Variants in ASTN2 observed in about 807,000 individuals in gnomAD.
ASTN2 encodes the protein astrotactin 2.
A neutral mutation model predicts 139.8 loss-of-function variants in ASTN2; 54 were observed. The ratio of observed to expected loss-of-function variants is 0.39; its 90% CI spans 0.31 to 0.48. The LOEUF (loss-of-function observed/expected upper bound fraction) is 0.48. Among genes scored for constraint, ASTN2 ranks in the 20% least tolerant of loss-of-function variants. The probability of loss-of-function intolerance (pLI) is 0.95; values close to 1 mark genes in which losing one functional copy is unlikely to be tolerated. For missense variants in ASTN2, 1,565 were observed against 1,725.1 expected (o/e 0.91, Z 1.64); for synonymous variants, 756 against 719.5 (o/e 1.05, Z -0.81).
intron 16 of ASTN2, among the ~76,000 whole-genome samples, chr9:116,689,870 T>C (rs1266479560): frequency 6.6e-6 from 1 of 152,096 alleles, no homozygotes; most frequent in Non-Finnish European, 1.5e-5. Context: ...ATGGAGGCCA[T>C]TGGCTTGAAA....
chr9:117,038,732 G>T (rs972716483), intron 6 of ASTN2, among the ~76,000 whole-genome samples: 1 of 152,148 alleles, frequency 6.6e-6, no homozygotes, highest in Non-Finnish European at 1.5e-5. Flanking sequence ...GCTAAAGACG[G>T]TGATGGCATG....
intron 4 of ASTN2, among the ~76,000 whole-genome samples, chr9:117,105,371 A>C (rs185499554): frequency 6.6e-6 from 1 of 152,242 alleles, no homozygotes; most frequent in Admixed American, 6.5e-5. Context: ...TAAGTGGTTG[A>C]GTCAAGAGTC....
chr9:116,788,481 C>T (rs1421877483), intron 13 of ASTN2, among the ~76,000 whole-genome samples: 1 of 151,840 alleles, frequency 6.6e-6, no homozygotes, highest in Non-Finnish European at 1.5e-5. Context: ...TTAAAAATAA[C>T]CCTATCTGAG....
chr9:116,629,849 G>C (rs1047923991), intron 17 of ASTN2, among the ~76,000 whole-genome samples: 1 of 152,060 alleles, frequency 6.6e-6, no homozygotes, highest in African/African-American at 2.4e-5. Context: ...AAAAATATTA[G>C]AGAAATAAAT....
At chr9:117,050,767 C>T (rs1330190734) in intron 5 of ASTN2, among the ~76,000 whole-genome samples, 1 of 152,130 alleles carries the variant, frequency 6.6e-6, no homozygotes, top group African/African-American at 2.4e-5. Flanking sequence ...TTTCACATCT[C>T]TGTGCTCCCT....
intron 2 of ASTN2, among the ~76,000 whole-genome samples, chr9:117,276,260 G>A (rs774754901): frequency 1.3e-5 from 2 of 152,164 alleles, no homozygotes; most frequent in African/African-American, 2.4e-5. Flanking sequence ...CCAAGGCTCA[G>A]GAGAAGGCAA....
intron 3 of ASTN2, among the ~76,000 whole-genome samples, chr9:117,172,666 C>T (rs1217709584): frequency 6.6e-6 from 1 of 152,100 alleles, no homozygotes; most frequent in Non-Finnish European, 1.5e-5. Context: ...TTGTGAATCC[C>T]AGAGTGGGTA....
At chr9:117,259,665 G>A (rs1833775966) in intron 2 of ASTN2, among the ~76,000 whole-genome samples, 2 of 152,234 alleles carry the variant, frequency 1.3e-5, no homozygotes, top group Admixed American at 6.5e-5. Context: ...TGGCCTAGAA[G>A]TCCCTGCTTT....
chr9:117,244,778 A>T (rs1833329791), intron 2 of ASTN2, among the ~76,000 whole-genome samples: 1 of 135,328 alleles, frequency 7.4e-6, no homozygotes, highest in Non-Finnish European at 1.6e-5. Context: ...GAAGGAGGGA[A>T]GGAGGGATAG....
At chr9:117,253,477 T>C (rs924872563) in intron 2 of ASTN2, among the ~76,000 whole-genome samples, 2 of 152,130 alleles carry the variant, frequency 1.3e-5, no homozygotes, top group Non-Finnish European at 2.9e-5. Context: ...AAAAACGAGC[T>C]GGTATGGCAG....
At chr9:117,254,819 C>T (rs1225924895) in intron 2 of ASTN2, among the ~76,000 whole-genome samples, 3 of 152,106 alleles carry the variant, frequency 2.0e-5, no homozygotes, top group Non-Finnish European at 4.4e-5. Context: ...TTCGATTACA[C>T]ATTTTATTCT....
intron 20 of ASTN2, among the ~76,000 whole-genome samples, chr9:116,473,596 G>T (rs1848885368): frequency 6.6e-6 from 1 of 152,132 alleles, no homozygotes; most frequent in African/African-American, 2.4e-5. Context: ...ATTTCAGTTG[G>T]CAGATAAAGA....
At chr9:117,239,085 A>G (rs1645826792) in intron 2 of ASTN2, among the ~76,000 whole-genome samples, 1 of 152,198 alleles carries the variant, frequency 6.6e-6, no homozygotes. Context: ...GTCCAAGGTC[A>G]CACAGAAAAT....
intron 3 of ASTN2, among the ~76,000 whole-genome samples, chr9:117,199,481 A>T (rs1409572219): frequency 6.6e-6 from 1 of 152,032 alleles, no homozygotes; most frequent in Non-Finnish European, 1.5e-5. Context: ...ATTGGTCTAT[A>T]TGTCTGTTTT....
intron 5 of ASTN2, among the ~76,000 whole-genome samples, chr9:117,079,931 T>A (rs1828382187): frequency 6.6e-6 from 1 of 152,256 alleles, no homozygotes. Flanking sequence ...TTCATTACAA[T>A]CTTGAAACCA....
chr9:116,889,408 G>T (rs1833700892), intron 10 of ASTN2, among the ~76,000 whole-genome samples: 1 of 152,056 alleles, frequency 6.6e-6, no homozygotes, highest in Non-Finnish European at 1.5e-5. Flanking sequence ...TTCAACACAG[G>T]CACAGCAGTG....
chr9:116,465,400 A>G (rs540732646), intron 20 of ASTN2, among the ~76,000 whole-genome samples: 4 of 152,312 alleles, frequency 2.6e-5, no homozygotes, highest in African/African-American at 7.2e-5. Flanking sequence ...TCCGGCCCTG[A>G]TAAGACCTCG....
chr9:116,618,813 T>C (rs1855983416), intron 18 of ASTN2, among the ~76,000 whole-genome samples: 1 of 152,216 alleles, frequency 6.6e-6, no homozygotes, highest in Non-Finnish European at 1.5e-5. Context: ...AAATTGGCAG[T>C]GCCTTCAAAC....
chr9:116,786,619 GA>G (rs1364301726), intron 13 of ASTN2, among the ~76,000 whole-genome samples: 1 of 152,084 alleles, frequency 6.6e-6, no homozygotes. Context: ...GGGGATAGGG[GA>G]AAAGGATAGA....
Sources: gnomAD v4.1 joint callset for allele counts (sites outside exome capture counted in the v4.1 genomes callset) on GRCh38, gnomAD v4.1.1 for gene constraint, MANE v1.5 for transcripts, NCBI Gene and HGNC (gene_info 2026-07-23, HGNC 2026-07-21) for gene names.